OR4C12: variants seen among roughly 807,000 people sequenced by gnomAD.
OR4C12 encodes olfactory receptor 4C12.
Under a neutral mutation model 12.3 loss-of-function variants are expected in OR4C12, and 11 were observed. The ratio of observed to expected loss-of-function variants is 0.89; its 90% CI spans 0.56 to 1.48. The LOEUF (loss-of-function observed/expected upper bound fraction) is 1.48, where lower values mean the gene tolerates loss of function less well. OR4C12 is among the 40% of genes most tolerant of loss of function. The pLI is 0.00. For missense variants in OR4C12, 414 were observed against 365.8 expected, an observed-to-expected ratio of 1.13 and a Z score of -1.08; for synonymous variants, 138 against 133.2, an observed-to-expected ratio of 1.04 and a Z score of -0.25.
At position 49,982,073 on chromosome 11, in the gene OR4C12, C is replaced by T. The variant is rs1854151099; in HGVS notation, c.429G>A (p.Val143=). ...IMSHSLCILL[V]AVAWVGGFLH... ...GAAATCCTCCCACCCAGGCCACTGC[C>T]ACCAGGAGAATGCACAGGCTGTGGC... is the stretch of plus-strand genomic sequence containing the variant. The change falls in exon 1 of 1, where the codon GTG becomes GTA. Residue 143 remains valine, a synonymous_variant. Coordinates refer to ENST00000335238, the MANE Select transcript of OR4C12 (RefSeq NM_001005270.4). 6.2e-7 allele frequency: 1 copy of T among 1,614,058 alleles called. No homozygotes were observed. Among genetic ancestry groups the T allele is most frequent in the South Asian group, 1.1e-5 (1 of 91,086 alleles).
Position 49,982,534 on chromosome 11 carries a change from G to T in OR4C12, c.-33C>A. ...GTGTGGGTGATAAAACCTCCAGGAAGGAATATTTTACCTTTAGAAAAAAGA... is the reference window on the plus strand; with the variant it reads ...GTGTGGGTGATAAAACCTCCAGGAATGAATATTTTACCTTTAGAAAAAAGA... On this transcript the variant is annotated 5_prime_UTR_variant, in exon 1 of 1. Coordinates refer to ENST00000335238, the MANE Select transcript of OR4C12 (RefSeq NM_001005270.4). 1 of 1,246,728 alleles carries T rather than the reference G, an allele frequency of 8.0e-7. No homozygotes were observed. Among genetic ancestry groups the T allele is most frequent in the South Asian group, 1.4e-5 (1 of 71,062 alleles). 77.2% of individuals were successfully genotyped at this position (1,246,728 alleles called of 1,614,324 possible).
Sources: allele counts gnomAD v4.1 joint callset, GRCh38; gene constraint gnomAD v4.1.1; transcripts MANE v1.5; gene names NCBI Gene and HGNC (gene_info 2026-07-23, HGNC 2026-07-21).